Variants in APLP2 observed in about 807,000 individuals in gnomAD.
APLP2 encodes the protein amyloid beta precursor like protein 2, also known as CDEI box-binding protein.
Under a neutral mutation model 89.9 loss-of-function variants are expected in APLP2, and 53 were observed. The observed-to-expected ratio is 0.59, with a 90% confidence interval of 0.47 to 0.74. The LOEUF (loss-of-function observed/expected upper bound fraction) is 0.74, where lower values mean the gene tolerates loss of function less well. Among genes scored for constraint, APLP2 ranks in the 30% least tolerant of loss-of-function variants. The pLI is 0.00. For synonymous variants in APLP2, 372 were observed against 348.6 expected (o/e 1.07, Z -0.75); for missense variants, 973 against 975.9 (o/e 1.00, Z 0.04).
chr11:130,139,879 C>T (rs1276758569), intron 13 of APLP2, among the ~76,000 whole-genome samples: 1 of 152,052 alleles, frequency 6.6e-6, no homozygotes, highest in Non-Finnish European at 1.5e-5. Flanking sequence ...TGGAACCTCC[C>T]CAGGACCAAC....
chr11:130,110,116 A>G (rs953698834), intron 2 of APLP2, among the ~76,000 whole-genome samples: 1 of 152,226 alleles, frequency 6.6e-6, no homozygotes, highest in Non-Finnish European at 1.5e-5. Context: ...GATTATAGGC[A>G]TCAGCCACCA....
At chr11:130,129,300 C>G in intron 10 of APLP2, 94 bp downstream of exon 10, 1 of 1,393,408 alleles carries the variant, frequency 7.2e-7, no homozygotes, top group Non-Finnish European at 9.6e-7. Context: ...ATTTGTATGA[C>G]AAGTTCTGGC....
chr11:130,102,353 G>A (rs570024599), intron 1 of APLP2, among the ~76,000 whole-genome samples: 2 of 152,220 alleles, frequency 1.3e-5, no homozygotes, highest in South Asian at 4.2e-4. Context: ...TCGAAGGCCT[G>A]CTTCATTCCG....
intron 1 of APLP2, chr11:130,070,452 C>T (rs988037775): frequency 1.1e-6 from 1 of 929,810 alleles, no homozygotes; most frequent in African/African-American, 1.8e-5. Context: ...CCTCTCCCGC[C>T]GGAGTCCGCG....
rs1343494798 is a variant in APLP2, at chr11:130,069,917, C to G, written c.-61C>G. ...TTAGATGCTTCTGGGTCGCGGTGTGCTAAGCGAGGAGTCCGAGTGTGTGAG... is the reference window on the plus strand; with the variant it reads ...TTAGATGCTTCTGGGTCGCGGTGTGGTAAGCGAGGAGTCCGAGTGTGTGAG... On this transcript the variant is annotated 5_prime_UTR_variant, in exon 1 of 17. Coordinates refer to ENST00000338167, the MANE Select transcript of APLP2 (RefSeq NM_001142276.2). 7.7e-7 allele frequency: 1 copy of G among 1,296,722 alleles called. No individual in the cohort carries two copies. Among genetic ancestry groups the G allele is most frequent in the South Asian group, 1.3e-5 (1 of 76,862 alleles). 80.3% of individuals were successfully genotyped at this position (1,296,722 alleles called of 1,614,324 possible).
At chr11:130,124,267 T>A (rs1036862487) in intron 7 of APLP2, among the ~76,000 whole-genome samples, 1 of 152,164 alleles carries the variant, frequency 6.6e-6, no homozygotes, top group African/African-American at 2.4e-5. Context: ...CTTTGGGCAG[T>A]CTAGAATATT....
chr11:130,111,606 C>T (rs1235956940), intron 3 of APLP2, among the ~76,000 whole-genome samples: 1 of 152,154 alleles, frequency 6.6e-6, no homozygotes, highest in East Asian at 1.9e-4. Flanking sequence ...AGAAGCGGTG[C>T]CCCTGAACAA....
chr11:130,135,413 G>T (rs1003880845), intron 12 of APLP2, 150 bp from the exon 13 acceptor site: 21 of 912,146 alleles, frequency 2.3e-5, no homozygotes, highest in Admixed American at 1.3e-4. Context: ...GGTCCCTGGT[G>T]TTGGGGCTCT....
At chr11:130,127,276 T>G (rs1950491031) in intron 8 of APLP2, among the ~76,000 whole-genome samples, 1 of 152,186 alleles carries the variant, frequency 6.6e-6, no homozygotes, top group South Asian at 2.1e-4. Context: ...CTCAGAGATG[T>G]TTCTTTTCCT....
At chr11:130,129,369 T>C (rs1328211925) in intron 10 of APLP2, among the ~76,000 whole-genome samples, 163 bp downstream of exon 10, 2 of 152,242 alleles carry the variant, frequency 1.3e-5, no homozygotes, top group Non-Finnish European at 2.9e-5. Context: ...CTAATATCTG[T>C]GTATATAAGC....
chr11:130,126,683 CTG>C lies in APLP2; in HGVS notation c.1091-15_1091-14del, dbSNP rs764816616. 1.9e-6 allele frequency: 3 copies of C among 1,613,160 alleles called. No individual in the cohort carries two copies. The highest frequency in any genetic ancestry group is 2.7e-5 in the African/African-American group (2 of 75,038). ...CATCTGATCCCAAAGAGAACTCCCT[CTG>C]TAATTTTGTTTCAGTTCCTCCAACT... On this transcript the variant is annotated splice_polypyrimidine_tract_variant and intron_variant, in intron 7 of 16. Transcript: ENST00000338167.
intron 1 of APLP2, among the ~76,000 whole-genome samples, chr11:130,073,348 GT>G (rs1313142890): frequency 6.6e-6 from 1 of 152,142 alleles, no homozygotes; most frequent in African/African-American, 2.4e-5. Flanking sequence ...TTGTATTTCT[GT>G]TAGATGGTGC....
Position 130,109,607 on chromosome 11 carries a change from G to A in APLP2, c.279+5G>A. 3 of 1,603,388 alleles carry A rather than the reference G, an allele frequency of 1.9e-6. No homozygotes were observed. Among genetic ancestry groups the A allele is most frequent in the Non-Finnish European group, 2.6e-6 (3 of 1,176,050 alleles). On this transcript the variant is annotated splice_donor_5th_base_variant and intron_variant, in intron 2 of 16. Transcript: ENST00000338167. Reference sequence around the variant, plus strand: ...GTTCTTCAGTACTGTCAGGAGGTAAGAGTGTTGCCAGTAAGTTGAAAGTGT... The same window carrying A: ...GTTCTTCAGTACTGTCAGGAGGTAAAAGTGTTGCCAGTAAGTTGAAAGTGT...
chr11:130,107,352 A>AT (rs1480761624), intron 1 of APLP2, among the ~76,000 whole-genome samples: 1 of 152,178 alleles, frequency 6.6e-6, no homozygotes, highest in Non-Finnish European at 1.5e-5. Flanking sequence ...TGAGGGTTAG[A>AT]TTTTTCCTTT....
chr11:130,076,697 C>T (rs1242946135), intron 1 of APLP2, among the ~76,000 whole-genome samples: 1 of 152,136 alleles, frequency 6.6e-6, no homozygotes, highest in Non-Finnish European at 1.5e-5. Context: ...GGCACACTCC[C>T]CAGTGGTTGT....
Position 130,130,132 on chromosome 11 carries a change from T to C in APLP2, c.1550T>C (p.Val517Ala). 1 of 1,614,256 alleles carries C rather than the reference T, an allele frequency of 6.2e-7. No individual in the cohort carries two copies. Among genetic ancestry groups the C allele is most frequent in the Non-Finnish European group, 8.5e-7 (1 of 1,180,046 alleles). ...TIRHYQHVLA[V>A]DPEKAAQMKS... Reference sequence around the variant, plus strand: ...CGTCATTACCAGCATGTGTTGGCTGTTGACCCAGAAAAGGCGGCCCAGATG... The same window carrying C: ...CGTCATTACCAGCATGTGTTGGCTGCTGACCCAGAAAAGGCGGCCCAGATG... The change falls in exon 11 of 17, where the codon GTT (valine) becomes GCT (alanine). Residue 517 changes from valine to alanine, a missense_variant. By Grantham distance (64) the Val-to-Ala change is moderately conservative. Transcript: ENST00000338167.
At position 130,130,081 on chromosome 11, in the gene APLP2, A is replaced by G; in HGVS notation, c.1499A>G (p.Glu500Gly). 1 of 1,614,236 alleles carries G rather than the reference A, an allele frequency of 6.2e-7. No individual in the cohort carries two copies. The highest frequency in any genetic ancestry group is 8.5e-7 in the Non-Finnish European group (1 of 1,180,032). Residue 500 changes from glutamate to glycine, a missense_variant, in exon 11 of 17, where the codon GAG (glutamate) becomes GGG (glycine). Coordinates refer to ENST00000338167, the MANE Select transcript of APLP2 (RefSeq NM_001142276.2). ...GCCTTACGGCGTTATGTCCGTGCTG[A>G]GAACAAAGATCGCTTACATACCATC... ...LQALRRYVRA[E>G]NKDRLHTIRH...
intron 7 of APLP2, among the ~76,000 whole-genome samples, chr11:130,126,112 G>A (rs1401308677): frequency 6.6e-6 from 1 of 152,190 alleles, no homozygotes; most frequent in East Asian, 1.9e-4. Context: ...GGGGCTAAGA[G>A]TCCTTCACTG....
chr11:130,140,670 A>G, intron 14 of APLP2, 187 bp downstream of exon 14: 1 of 427,104 alleles, frequency 2.3e-6, no homozygotes, highest in African/African-American at 2.0e-5. Flanking sequence ...AAAAGGATTA[A>G]AAAGCCCTTT....
Sources: gnomAD v4.1 joint callset for allele counts (sites outside exome capture counted in the v4.1 genomes callset) on GRCh38, gnomAD v4.1.1 for gene constraint, MANE v1.5 for transcripts, NCBI Gene and HGNC (gene_info 2026-07-23, HGNC 2026-07-21) for gene names.